The following SESN3 variants were observed in gnomAD, a reference collection of about 807,000 sequenced individuals.
The protein encoded by SESN3 is sestrin-3.
Under a neutral mutation model 55.3 loss-of-function variants are expected in SESN3, and 21 were observed. The observed-to-expected ratio is 0.38, with a 90% CI of 0.27 to 0.55. The LOEUF (loss-of-function observed/expected upper bound fraction) is 0.55. SESN3 is among the 20% of genes least tolerant of loss of function. The pLI, the probability that SESN3 is intolerant of heterozygous loss-of-function variation, is 0.76. For synonymous variants in SESN3, 181 were observed against 203.1 expected, an observed-to-expected ratio of 0.89 and a Z score of 0.93; for missense variants, 408 against 604.3, an observed-to-expected ratio of 0.68 and a Z score of 3.41.
chr11:95,175,318 C>T (rs1249195955), intron 9 of SESN3, among the ~76,000 whole-genome samples, 180 bp downstream of exon 9: 1 of 152,120 alleles, frequency 6.6e-6, no homozygotes, highest in Admixed American at 6.5e-5. Flanking sequence ...GAGCTGAGAT[C>T]GTGCCACTGC....
At position 95,170,791 on chromosome 11, in the gene SESN3, GTGT is replaced by G. The variant is rs944844702; in HGVS notation, c.*2461_*2463del. 10 of 152,118 alleles carry G rather than the reference GTGT, an allele frequency of 6.6e-5. No individual in the cohort carries two copies. Among genetic ancestry groups the G allele is most frequent in the South Asian group, 2.1e-4 (1 of 4,822 alleles). 9.4% of individuals were successfully genotyped at this position (152,118 alleles called of 1,614,324 possible). On this transcript the variant is annotated 3_prime_UTR_variant, in exon 10 of 10. Coordinates refer to ENST00000536441, the MANE Select transcript of SESN3 (RefSeq NM_144665.4). ...GTTCACTGAGGTTCATAAATATATG[GTGT>G]TGTTTTTGTTTATAGTTCCAAGTCA...
intron 1 of SESN3, among the ~76,000 whole-genome samples, chr11:95,210,943 A>G (rs1284709048): frequency 6.6e-6 from 1 of 152,218 alleles, no homozygotes; most frequent in African/African-American, 2.4e-5. Context: ...AAAAAAAGGA[A>G]AAAACAAAAG....
At chr11:95,178,651 C>T in intron 7 of SESN3, 59 bp downstream of exon 7, 1 of 1,051,976 alleles carries the variant, frequency 9.5e-7, no homozygotes, top group Non-Finnish European at 1.5e-6. Context: ...AAAATTTAAA[C>T]ACTTAACAGT....
At chr11:95,208,524 C>T (rs1860591661) in intron 1 of SESN3, among the ~76,000 whole-genome samples, 1 of 151,442 alleles carries the variant, frequency 6.6e-6, no homozygotes, top group Non-Finnish European at 1.5e-5. Context: ...TAATTCCTCA[C>T]TTAAATGGCT....
chr11:95,167,475 C>CCCATATATATATATATATATATATATAT lies in SESN3; in HGVS notation c.*5779_*5780insATATATATATATATATATATATATATGG, dbSNP rs563322416. On this transcript the variant is annotated 3_prime_UTR_variant, in exon 10 of 10. Transcript: ENST00000536441. ...TCAGATATTCATTCTGTTTCCCCCC[C>CCCATATATATATATATATATATATATAT]ATATATATAATTTTTCATTCTGTAC... The CCCATATATATATATATATATATATATAT allele has an allele frequency of 2.0e-5, 3 of 150,942 alleles. No individual in the cohort carries two copies. The highest frequency in any genetic ancestry group is 7.4e-5 in the African/African-American group (3 of 40,344). 9.4% of individuals were successfully genotyped at this position (150,942 alleles called of 1,614,324 possible). A position where few individuals can be genotyped will look rare whatever the true frequency, so the allele number is the denominator to read the frequency against.
In SESN3 at chr11:95,165,516, A is replaced by G. The variant is rs1316297567; in HGVS notation, c.*7739T>C. ...ATAAACCAAGCGAGAATGCTACTCC[A>G]GTATAAACAAAGTAGGCAAATGATT... is the stretch of plus-strand genomic sequence containing the variant. On this transcript the variant is annotated 3_prime_UTR_variant, in exon 10 of 10. Coordinates refer to ENST00000536441, the MANE Select transcript of SESN3 (RefSeq NM_144665.4). The G allele has an allele frequency of 6.6e-6, 1 of 152,158 alleles. No homozygotes were observed. Among genetic ancestry groups the G allele is most frequent in the African/African-American group, 2.4e-5 (1 of 41,446 alleles). The allele number at this position is 152,158 out of a possible 1,614,324, so 9.4% of individuals were successfully genotyped here. A position where few individuals can be genotyped will look rare whatever the true frequency, so the allele number is the denominator to read the frequency against.
chr11:95,220,051 G>A (rs1161839183), intron 1 of SESN3, among the ~76,000 whole-genome samples: 1 of 152,086 alleles, frequency 6.6e-6, no homozygotes, highest in Non-Finnish European at 1.5e-5. Flanking sequence ...CCTCTCCCCA[G>A]CACAAACCCT....
chr11:95,202,138 C>T (rs555075864), intron 1 of SESN3, among the ~76,000 whole-genome samples: 20 of 152,134 alleles, frequency 1.3e-4, no homozygotes, highest in African/African-American at 4.1e-4. Flanking sequence ...TAACATATAT[C>T]ATTATCTTAT....
At chr11:95,221,859 T>A (rs1860865089) in intron 1 of SESN3, among the ~76,000 whole-genome samples, 1 of 152,216 alleles carries the variant, frequency 6.6e-6, no homozygotes, top group African/African-American at 2.4e-5. Flanking sequence ...AATGACTCAC[T>A]TCTGCGTGGA....
chr11:95,210,954 C>T (rs534288873), intron 1 of SESN3, among the ~76,000 whole-genome samples: 14 of 152,192 alleles, frequency 9.2e-5, no homozygotes, highest in Non-Finnish European at 1.5e-4. Context: ...AAAACAAAAG[C>T]AGCTAGTTTA....
rs1859943457 is a variant in SESN3 at position 95,175,717 on chromosome 11, T to G, written c.1248-75A>C. 2.1e-5 allele frequency: 26 copies of G among 1,224,352 alleles called. No individual in the cohort carries two copies. The South Asian group carries it at 3.1e-4, about 14-fold the overall frequency. The allele number at this position is 1,224,352 out of a possible 1,614,324, so 75.8% of individuals were successfully genotyped here. A position where few individuals can be genotyped will look rare whatever the true frequency, so the allele number is the denominator to read the frequency against. On this transcript the variant is annotated intron_variant, in intron 8 of 9. Coordinates refer to ENST00000536441, the MANE Select transcript of SESN3 (RefSeq NM_144665.4). ...GTTTCCAAAGTTATACTAAGGACATTTATTGTCTAGTAATTAAATACTAAA... is the reference window on the plus strand; with the variant it reads ...GTTTCCAAAGTTATACTAAGGACATGTATTGTCTAGTAATTAAATACTAAA...
intron 1 of SESN3, among the ~76,000 whole-genome samples, chr11:95,213,801 G>T (rs1418968323): frequency 2.0e-5 from 3 of 151,838 alleles, no homozygotes; most frequent in Non-Finnish European, 2.9e-5. Context: ...TTTTTCTCAG[G>T]CATGGACCCA....
chr11:95,183,403 CTG>C (rs1244081248), intron 6 of SESN3, among the ~76,000 whole-genome samples: 1 of 152,016 alleles, frequency 6.6e-6, no homozygotes, highest in East Asian at 1.9e-4. Context: ...CCTGGTAAAA[CTG>C]AGAACTACTG....
chr11:95,197,882 C>A (rs115343264), intron 1 of SESN3, among the ~76,000 whole-genome samples: 1 of 152,144 alleles, frequency 6.6e-6, no homozygotes, highest in Admixed American at 6.6e-5. Context: ...AGCTCTTCTC[C>A]GCCCTCCAGT....
At position 95,184,440 on chromosome 11, in the gene SESN3, A is replaced by G; in HGVS notation, c.917T>C (p.Phe306Ser). 2 of 1,613,602 alleles carry G rather than the reference A, an allele frequency of 1.2e-6. No homozygotes were observed. Among genetic ancestry groups the G allele is most frequent in the Non-Finnish European group, 8.5e-7 (1 of 1,179,772 alleles). ...ESLFVVSGDT[F>S]HSFPHSDFED... ...AGCACCTGAATGAGGAAATGAATGAAAAGTATCTCCAGAGACCACAAAAAG... is the reference window on the plus strand; with the variant it reads ...AGCACCTGAATGAGGAAATGAATGAGAAGTATCTCCAGAGACCACAAAAAG... Residue 306 changes from phenylalanine to serine, a missense_variant, in exon 6 of 10, where the codon TTT (phenylalanine) becomes TCT (serine). Transcript: ENST00000536441.
At chr11:95,231,452 G>A, upstream of SESN3, 1 of 277,590 alleles carries the variant, frequency 3.6e-6, no homozygotes. Flanking sequence ...TAGGGTAGCA[G>A]GGAACAGTTT....
At position 95,167,270 on chromosome 11, in the gene SESN3, G is replaced by A. The variant is rs111955366; in HGVS notation, c.*5985C>T. On this transcript the variant is annotated 3_prime_UTR_variant, in exon 10 of 10. Coordinates refer to ENST00000536441, the MANE Select transcript of SESN3 (RefSeq NM_144665.4). ...TCATTTTTTTAAGAGGTTAACTTGA[G>A]GGGTGCAAGAAAATAGACTGTTCTA... 1.3e-5 allele frequency: 2 copies of A among 152,022 alleles called. No homozygotes were observed. Among genetic ancestry groups the A allele is most frequent in the African/African-American group, 2.4e-5 (1 of 41,376 alleles). The allele number at this position is 152,022 out of a possible 1,614,324, so 9.4% of individuals were successfully genotyped here.
chr11:95,204,302 C>T (rs989917319), intron 1 of SESN3, among the ~76,000 whole-genome samples: 5 of 151,804 alleles, frequency 3.3e-5, no homozygotes, highest in African/African-American at 9.7e-5. Flanking sequence ...GATAAATAGG[C>T]ATTTAAATAA....
chr11:95,226,676 C>CA (rs927188215), intron 1 of SESN3, among the ~76,000 whole-genome samples: 15 of 150,978 alleles, frequency 9.9e-5, no homozygotes, highest in South Asian at 2.1e-4. Context: ...GACACAGTAA[C>CA]AAAAAAAAAT....
Sources: allele counts gnomAD v4.1 joint callset (sites outside exome capture counted in the v4.1 genomes callset), GRCh38; gene constraint gnomAD v4.1.1; transcripts MANE v1.5; gene names NCBI Gene and HGNC (gene_info 2026-07-23, HGNC 2026-07-21).